Variants in MAP3K7CL observed in about 807,000 individuals in gnomAD.
The protein encoded by MAP3K7CL is MAP3K7 C-terminal like, also known as MAP3K7 C-terminal-like protein.
A neutral mutation model predicts 18.6 loss-of-function variants in MAP3K7CL; 16 were observed. The observed-to-expected ratio is 0.86, with a 90% CI of 0.58 to 1.31. MAP3K7CL has a LOEUF of 1.31. Among genes scored for constraint, MAP3K7CL ranks in the 50% most tolerant of loss-of-function variants. The probability of loss-of-function intolerance (pLI) is 0.00; values close to 1 mark genes in which losing one functional copy is unlikely to be tolerated. For missense variants in MAP3K7CL, 163 were observed against 174.4 expected (o/e 0.93, Z 0.37); for synonymous variants, 65 against 66.8 (o/e 0.97, Z 0.13).
At chr21:29,149,094 A>G in intron 2 of MAP3K7CL, 95 bp from the exon 3 acceptor site, 1 of 1,001,620 alleles carries the variant, frequency 1.0e-6, no homozygotes, top group Non-Finnish European at 1.6e-6. Context: ...AAATGACTGA[A>G]ACAGTGTATA....
chr21:29,122,992 T>C (rs1370199514), intron 4 of MAP3K7CL, among the ~76,000 whole-genome samples: 3 of 152,006 alleles, frequency 2.0e-5, no homozygotes, highest in Non-Finnish European at 4.4e-5. Flanking sequence ...TTATATATAG[T>C]TTTATGCTTA....
At chr21:29,144,936 G>A (rs2087093209) in intron 2 of MAP3K7CL, among the ~76,000 whole-genome samples, 1 of 152,216 alleles carries the variant, frequency 6.6e-6, no homozygotes, top group South Asian at 2.1e-4. Flanking sequence ...TGGGCTGTCA[G>A]TAAGAAAGTT....
chr21:29,092,461 A>G lies in MAP3K7CL; in HGVS notation c.250A>G (p.Thr84Ala), dbSNP rs778968904. ...TAGTATTTCAGTTTTATGCTCTGCA[A>G]CAAGTTTGGCCATGTTGGAGGACAA... Residue 84 changes from threonine to alanine, a missense_variant, in exon 4 of 7, where the codon ACA (threonine) becomes GCA (alanine). Thr to Ala is a moderately conservative substitution (Grantham distance 58). Coordinates refer to the MAP3K7CL transcript ENST00000286791. 6.6e-5 allele frequency: 106 copies of G among 1,614,144 alleles called. No individual in the cohort carries two copies. Among genetic ancestry groups the G allele is most frequent in the Non-Finnish European group, 8.4e-5 (99 of 1,180,060 alleles).
chr21:29,140,844 C>T (rs1444304086), intron 2 of MAP3K7CL, among the ~76,000 whole-genome samples: 4 of 152,186 alleles, frequency 2.6e-5, no homozygotes, highest in Non-Finnish European at 5.9e-5. Context: ...GTGGTGCAAT[C>T]TTGGCTCACT....
intron 4 of MAP3K7CL, among the ~76,000 whole-genome samples, chr21:29,111,387 A>G (rs984216272): frequency 3.3e-5 from 5 of 152,172 alleles, no homozygotes; most frequent in Non-Finnish European, 7.3e-5. Context: ...TGGGTGTGTC[A>G]GGTGGGCTTA....
At chr21:29,167,897 C>T (rs753148433) in intron 4 of MAP3K7CL, among the ~76,000 whole-genome samples, 1 of 151,868 alleles carries the variant, frequency 6.6e-6, no homozygotes, top group Non-Finnish European at 1.5e-5. Context: ...GATGGGGTTT[C>T]GCCATGTTAG....
chr21:29,124,524 T>A (rs2086651746), intron 4 of MAP3K7CL, among the ~76,000 whole-genome samples: 1 of 152,156 alleles, frequency 6.6e-6, no homozygotes, highest in Admixed American at 6.5e-5. Flanking sequence ...GGCAAAACAG[T>A]GGCTACACAC....
chr21:29,091,423 T>C (rs1336219189), intron 1 of MAP3K7CL: 3 of 614,808 alleles, frequency 4.9e-6, no homozygotes, highest in Non-Finnish European at 8.7e-6. Flanking sequence ...GGTATAGCTC[T>C]TAATAAAAGT....
chr21:29,168,170 T>C (rs73897283), intron 4 of MAP3K7CL, among the ~76,000 whole-genome samples: 4,662 of 152,278 alleles, frequency 0.031, 207 homozygotes, highest in African/African-American at 0.096. Context: ...TTAACATAAA[T>C]ACACAGTAAA....
In MAP3K7CL at chr21:29,149,026, G is replaced by A. The variant is rs75952539; in HGVS notation, c.71-163G>A. Among the ~76,000 whole-genome samples, 743 of 152,292 alleles carry A rather than the reference G, an allele frequency of 4.9e-3. 6 individuals carry two copies. Among genetic ancestry groups the A allele is most frequent in the African/African-American group, 0.017 (710 of 41,564 alleles). ...ACCTAAGCTCTCCACGCATCTGTGTGTACAGAAAATGAGCAAAATTGTCCT... is the reference window on the plus strand; with the variant it reads ...ACCTAAGCTCTCCACGCATCTGTGTATACAGAAAATGAGCAAAATTGTCCT... On this transcript the variant is annotated intron_variant, in intron 2 of 4. Coordinates refer to ENST00000399928, the MANE Select transcript of MAP3K7CL (RefSeq NM_001286620.2).
chr21:29,137,055 A>G (rs142664363), intron 2 of MAP3K7CL, among the ~76,000 whole-genome samples: 83 of 152,380 alleles, frequency 5.4e-4, no homozygotes, highest in African/African-American at 1.9e-3. Flanking sequence ...TAAGAAGCCA[A>G]TGACATCTTA....
At chr21:29,090,046 C>G (rs1253596865) in intron 1 of MAP3K7CL, among the ~76,000 whole-genome samples, 3 of 152,130 alleles carry the variant, frequency 2.0e-5, no homozygotes, top group Non-Finnish European at 4.4e-5. Flanking sequence ...TTATTTTCAC[C>G]ATTATTGAAT....
chr21:29,113,973 T>C (rs1601176985), intron 4 of MAP3K7CL, among the ~76,000 whole-genome samples: 1 of 152,174 alleles, frequency 6.6e-6, no homozygotes, highest in Admixed American at 6.5e-5. Context: ...TTTTTAGAGG[T>C]ATCATTTCTG....
At chr21:29,095,179 C>T (rs942164786) in intron 4 of MAP3K7CL, among the ~76,000 whole-genome samples, 5 of 151,950 alleles carry the variant, frequency 3.3e-5, no homozygotes, top group Non-Finnish European at 5.9e-5. Flanking sequence ...CACCACCCCA[C>T]CCCCACACCC....
intron 4 of MAP3K7CL, among the ~76,000 whole-genome samples, chr21:29,121,339 A>G (rs2086591772): frequency 6.6e-6 from 1 of 152,140 alleles, no homozygotes; most frequent in African/African-American, 2.4e-5. Context: ...AAAGCTGACC[A>G]TGAAGTGGAG....
intron 3 of MAP3K7CL, among the ~76,000 whole-genome samples, chr21:29,151,856 A>G (rs2087283755): frequency 6.6e-6 from 1 of 152,224 alleles, no homozygotes. Context: ...TGAATTTTAT[A>G]GCTTTAATTC....
intron 4 of MAP3K7CL, among the ~76,000 whole-genome samples, chr21:29,113,826 C>T (rs562045740): frequency 2.6e-5 from 4 of 152,216 alleles, no homozygotes; most frequent in Non-Finnish European, 5.9e-5. Flanking sequence ...CCACCACGCC[C>T]GGCCATATAA....
At chr21:29,080,907 G>A (rs1302907831), upstream of MAP3K7CL, among the ~76,000 whole-genome samples, 3 of 151,968 alleles carry the variant, frequency 2.0e-5, no homozygotes, top group Non-Finnish European at 2.9e-5. Flanking sequence ...CCATGGCCAG[G>A]CTTGTGAGCT....
chr21:29,140,099 A>G (rs1467243164), intron 2 of MAP3K7CL, among the ~76,000 whole-genome samples: 2 of 152,108 alleles, frequency 1.3e-5, no homozygotes, highest in Non-Finnish European at 2.9e-5. Context: ...ATGCAGTGAC[A>G]ACATTCAGTC....
Sources: allele counts gnomAD v4.1 joint callset (sites outside exome capture counted in the v4.1 genomes callset), GRCh38; gene constraint gnomAD v4.1.1; transcripts MANE v1.5; gene names NCBI Gene and HGNC (gene_info 2026-07-23, HGNC 2026-07-21).